GPHN: variants seen among roughly 807,000 people sequenced by gnomAD.
GPHN encodes gephyrin.
In GPHN, 17 loss-of-function variants were observed where a neutral mutation model predicts 95.5. The observed-to-expected ratio is 0.18, with a 90% CI of 0.12 to 0.27. GPHN has a LOEUF of 0.27. Ranked by LOEUF, GPHN falls within the 10% of genes least tolerant of loss-of-function variation. The pLI, the probability that GPHN is intolerant of heterozygous loss-of-function variation, is 1.00. For missense variants in GPHN, 660 were observed against 978.1 expected (o/e 0.67, Z 4.34); for synonymous variants, 320 against 322.5 (o/e 0.99, Z 0.08).
At chr14:66,922,002 A>G (rs952139783) in intron 6 of GPHN, among the ~76,000 whole-genome samples, 10 of 152,202 alleles carry the variant, frequency 6.6e-5, no homozygotes, top group African/African-American at 2.4e-4. Context: ...ATAATTGGCT[A>G]GCCCTATGTA....
the GPHN span, among the ~76,000 whole-genome samples, chr14:67,289,961 A>G: frequency 3.3e-5 from 5 of 151,842 alleles, no homozygotes; most frequent in African/African-American, 1.2e-4. Flanking sequence ...TTTAGTAGAG[A>G]CGGGGTTTCA....
chr14:66,686,340 A>G (rs1423281387), intron 2 of GPHN, among the ~76,000 whole-genome samples: 1 of 152,182 alleles, frequency 6.6e-6, no homozygotes, highest in Non-Finnish European at 1.5e-5. Context: ...CTTGGGCAGT[A>G]TGGCCATTTT....
intron 4 of GPHN, among the ~76,000 whole-genome samples, chr14:66,876,248 C>T (rs2063657572): frequency 6.6e-6 from 1 of 152,168 alleles, no homozygotes; most frequent in African/African-American, 2.4e-5. Flanking sequence ...ACAGCTAAAG[C>T]ACTCTTTACA....
At chr14:66,747,855 A>C (rs574696620) in intron 2 of GPHN, among the ~76,000 whole-genome samples, 1 of 152,186 alleles carries the variant, frequency 6.6e-6, no homozygotes, top group South Asian at 2.1e-4. Context: ...GAACACATGA[A>C]ATTTTTTCCT....
the GPHN span, among the ~76,000 whole-genome samples, chr14:67,681,317 T>C: frequency 2.6e-5 from 4 of 152,254 alleles, no homozygotes; most frequent in African/African-American, 7.2e-5. Flanking sequence ...TAAATTTATA[T>C]TGTTTAAGCC....
At chr14:67,183,333 C>A (rs2083349077), downstream of GPHN, among the ~76,000 whole-genome samples, 2 of 152,074 alleles carry the variant, frequency 1.3e-5, no homozygotes, top group Admixed American at 1.3e-4. Context: ...AATATTTGCT[C>A]AATAAAACAC....
Position 66,606,804 on chromosome 14 carries a change from G to A in GPHN, c.65-74303G>A, listed in dbSNP as rs545029209. 2.0e-5 allele frequency among the ~76,000 whole-genome samples: 3 copies of A among 152,132 alleles called. No individual in the cohort carries two copies. The South Asian group carries it at 6.2e-4, about 32-fold the overall frequency. The stretch of plus-strand genomic sequence containing the variant: ...GAAGTGCTATTGATTTTTGTACATT[G>A]ATTTTGTATCCTTATTTATCAGTTC... On this transcript the variant is annotated intron_variant, in intron 1 of 22. Transcript: ENST00000478722.
chr14:66,816,278 G>A (rs2060962477), intron 3 of GPHN, among the ~76,000 whole-genome samples: 1 of 152,130 alleles, frequency 6.6e-6, no homozygotes. Flanking sequence ...TTCAGGTCCT[G>A]AACTCAGCCC....
At chr14:67,425,903 C>T in the GPHN span, among the ~76,000 whole-genome samples, 50 of 151,438 alleles carry the variant, frequency 3.3e-4, no homozygotes, top group African/African-American at 1.2e-3. Context: ...CACATCTTGT[C>T]TCAAAAAAAA....
At chr14:66,897,701 A>G (rs2064926640) in intron 5 of GPHN, among the ~76,000 whole-genome samples, 2 of 152,232 alleles carry the variant, frequency 1.3e-5, no homozygotes, top group Middle Eastern at 3.4e-3. Context: ...ATTCCATACT[A>G]TATATGCACT....
the GPHN span, among the ~76,000 whole-genome samples, chr14:67,665,029 A>G: frequency 6.6e-6 from 1 of 152,156 alleles, no homozygotes; most frequent in Admixed American, 6.5e-5. Flanking sequence ...CCACAACCAG[A>G]TAATTTTTCT....
At position 66,665,813 on chromosome 14, in the gene GPHN, G is replaced by A. The variant is rs557893122; in HGVS notation, c.65-15294G>A. On this transcript the variant is annotated intron_variant, in intron 1 of 22. Coordinates refer to ENST00000478722, the MANE Select transcript of GPHN (RefSeq NM_020806.5). ...GACACATGGCACACATATGTTTATT[G>A]TGGCACTATTCACAATAGTAAAGAC... 2.4e-3 allele frequency among the ~76,000 whole-genome samples: 365 copies of A among 152,202 alleles called. 4 individuals carry two copies. Among genetic ancestry groups the A allele is most frequent in the African/African-American group, 8.3e-3 (344 of 41,500 alleles).
chr14:66,599,686 T>C (rs1246402972), intron 1 of GPHN, among the ~76,000 whole-genome samples: 1 of 151,976 alleles, frequency 6.6e-6, no homozygotes, highest in African/African-American at 2.4e-5. Flanking sequence ...TCTAATGTTT[T>C]CTTTACTTGT....
intron 1 of GPHN, among the ~76,000 whole-genome samples, chr14:66,598,631 G>A (rs890805714): frequency 1.3e-5 from 2 of 152,120 alleles, no homozygotes; most frequent in Non-Finnish European, 2.9e-5. Context: ...CAGATCACGA[G>A]GTCAGGAGTT....
intron 10 of GPHN, among the ~76,000 whole-genome samples, chr14:67,042,434 G>T (rs953099100): frequency 2.0e-5 from 3 of 152,104 alleles, no homozygotes; most frequent in African/African-American, 7.2e-5. Context: ...TCCAGTTTCA[G>T]TTTTTTGCAT....
At chr14:66,777,556 T>G (rs1047254205) in intron 3 of GPHN, among the ~76,000 whole-genome samples, 3 of 152,084 alleles carry the variant, frequency 2.0e-5, no homozygotes, top group Non-Finnish European at 4.4e-5. Context: ...TTGATGAACA[T>G]TGATGCAAAA....
chr14:66,764,029 T>C (rs989686113), intron 2 of GPHN, among the ~76,000 whole-genome samples: 4 of 152,208 alleles, frequency 2.6e-5, no homozygotes, highest in Non-Finnish European at 5.9e-5. Flanking sequence ...AAGCTCAGGG[T>C]TCCCACTGAT....
chr14:66,624,216 T>A (rs2063429519), intron 1 of GPHN, among the ~76,000 whole-genome samples: 1 of 152,212 alleles, frequency 6.6e-6, no homozygotes, highest in African/African-American at 2.4e-5. Flanking sequence ...GTACAGTTCA[T>A]TAATATGGCA....
At chr14:66,918,918 A>AT (rs575528639) in intron 6 of GPHN, among the ~76,000 whole-genome samples, 14 of 148,562 alleles carry the variant, frequency 9.4e-5, no homozygotes, top group Admixed American at 2.0e-4. Flanking sequence ...AATTTTTAAG[A>AT]TTTTTTTTTT....
Sources: allele counts gnomAD v4.1 joint callset (sites outside exome capture counted in the v4.1 genomes callset), GRCh38; gene constraint gnomAD v4.1.1; transcripts MANE v1.5; gene names NCBI Gene and HGNC (gene_info 2026-07-23, HGNC 2026-07-21).